SLC9D1: variants seen among roughly 807,000 people sequenced by gnomAD.
SLC9D1 encodes the protein solute carrier family 9 member D1.
the SLC9D1 span, chr13:113,496,006 TGA>T: frequency 6.2e-7 from 1 of 1,610,398 alleles, no homozygotes; most frequent in Non-Finnish European, 8.5e-7. Context: ...CTGGAGGCCC[TGA>T]GAGAGGCTGC....
chr13:113,517,071 C>T, the SLC9D1 span, among the ~76,000 whole-genome samples: 56 of 152,312 alleles, frequency 3.7e-4, no homozygotes, highest in Middle Eastern at 3.4e-3. Context: ...CAAAGGAAGA[C>T]GGGCTCTATC....
chr13:113,533,865 A>G, the SLC9D1 span, among the ~76,000 whole-genome samples: 1 of 152,216 alleles, frequency 6.6e-6, no homozygotes, highest in African/African-American at 2.4e-5. Flanking sequence ...TTGGCTCAAC[A>G]CAACTTAATT....
chr13:113,508,211 C>G, the SLC9D1 span, among the ~76,000 whole-genome samples: 1 of 152,240 alleles, frequency 6.6e-6, no homozygotes, highest in Non-Finnish European at 1.5e-5. Context: ...ATAACAGAGT[C>G]TCGCCTGTTC....
the SLC9D1 span, chr13:113,503,595 A>T: frequency 6.3e-7 from 1 of 1,589,968 alleles, no homozygotes; most frequent in African/African-American, 1.3e-5. Flanking sequence ...AAAGGTAAGG[A>T]CCTCATCAAC....
At chr13:113,504,676 T>A in the SLC9D1 span, 1 of 152,386 alleles carries the variant, frequency 6.6e-6, no homozygotes, top group Non-Finnish European at 1.5e-5. Flanking sequence ...TTGTTCCTTT[T>A]TATGGCTGAG....
chr13:113,501,295 C>A, the SLC9D1 span, among the ~76,000 whole-genome samples: 1 of 152,158 alleles, frequency 6.6e-6, no homozygotes, highest in Non-Finnish European at 1.5e-5. Flanking sequence ...AGAAAAAAGA[C>A]CCAAGAATAA....
At chr13:113,494,828 T>G in the SLC9D1 span, among the ~76,000 whole-genome samples, 1 of 152,056 alleles carries the variant, frequency 6.6e-6, no homozygotes, top group African/African-American at 2.4e-5. Flanking sequence ...AGCAACCCAG[T>G]GACCTGTGAG....
chr13:113,497,494 A>C, the SLC9D1 span, among the ~76,000 whole-genome samples: 1 of 145,356 alleles, frequency 6.9e-6, no homozygotes, highest in Non-Finnish European at 1.5e-5. Context: ...CAGCTGTGTG[A>C]GACCTGCAGC....
the SLC9D1 span, among the ~76,000 whole-genome samples, chr13:113,519,073 C>G: frequency 6.8e-6 from 1 of 147,812 alleles, no homozygotes; most frequent in East Asian, 2.0e-4. Context: ...GACGGAGTCT[C>G]GCTCTTGTCC....
At chr13:113,525,677 T>C in the SLC9D1 span, among the ~76,000 whole-genome samples, 1 of 151,170 alleles carries the variant, frequency 6.6e-6, no homozygotes, top group Non-Finnish European at 1.5e-5. Context: ...AGACGACAGC[T>C]CTGTGCCTGT....
the SLC9D1 span, chr13:113,503,597 C>A: frequency 6.3e-7 from 1 of 1,590,096 alleles, no homozygotes; most frequent in Non-Finnish European, 8.6e-7. Context: ...AGGTAAGGAC[C>A]TCATCAACCT....
At chr13:113,542,434 C>T in the SLC9D1 span, among the ~76,000 whole-genome samples, 2 of 152,190 alleles carry the variant, frequency 1.3e-5, no homozygotes, top group African/African-American at 2.4e-5. Flanking sequence ...GCATTGAAAG[C>T]GGCCAGATCA....
the SLC9D1 span, among the ~76,000 whole-genome samples, chr13:113,548,784 G>A: frequency 3.9e-4 from 60 of 152,324 alleles, no homozygotes; most frequent in Non-Finnish European, 7.8e-4. Flanking sequence ...TGAAATACCC[G>A]TAATGGCAGT....
chr13:113,530,571 G>A, the SLC9D1 span: 8 of 151,886 alleles, frequency 5.3e-5, no homozygotes, highest in South Asian at 6.2e-4. Flanking sequence ...TTTTAATAAC[G>A]AGGGAAAATT....
the SLC9D1 span, chr13:113,529,657 AAAAAC>A: frequency 6.6e-6 from 1 of 152,100 alleles, no homozygotes. Context: ...CTCAAAAAAA[AAAAAC>A]AAAAGAAACA....
chr13:113,530,834 A>G, the SLC9D1 span, among the ~76,000 whole-genome samples: 1 of 152,354 alleles, frequency 6.6e-6, no homozygotes, highest in East Asian at 1.9e-4. Context: ...AAAAATATGA[A>G]TAACTGAGTT....
At chr13:113,525,732 TGCC>T in the SLC9D1 span, among the ~76,000 whole-genome samples, 1 of 151,992 alleles carries the variant, frequency 6.6e-6, no homozygotes, top group African/African-American at 2.4e-5. Flanking sequence ...GACAGCTCTG[TGCC>T]GGTTATTCTA....
chr13:113,495,556 T>C, the SLC9D1 span: 2 of 1,505,482 alleles, frequency 1.3e-6, no homozygotes, highest in Admixed American at 2.2e-5. Flanking sequence ...CGTGGATTGC[T>C]GTGCCCTGCC....
the SLC9D1 span, chr13:113,510,542 A>C: frequency 2.2e-6 from 2 of 917,284 alleles, no homozygotes; most frequent in Admixed American, 4.9e-5. Context: ...CCCTCTTAGG[A>C]CTTTCCTAAC....
Sources: gnomAD v4.1 joint callset for allele counts (sites outside exome capture counted in the v4.1 genomes callset) on GRCh38, gnomAD v4.1.1 for gene constraint, MANE v1.5 for transcripts, NCBI Gene and HGNC (gene_info 2026-07-23, HGNC 2026-07-21) for gene names.